The following DPP10 variants were observed in gnomAD, a reference collection of about 807,000 sequenced individuals.
DPP10 encodes the protein dipeptidyl peptidase like 10.
In DPP10, 33 loss-of-function variants were observed where a neutral mutation model predicts 120.9. The observed-to-expected ratio is 0.27, with a 90% CI of 0.21 to 0.37. DPP10 has a LOEUF of 0.37. Among genes scored for constraint, DPP10 ranks in the 10% least tolerant of loss-of-function variants. The probability of loss-of-function intolerance (pLI) is 1.00; values close to 1 mark genes in which losing one functional copy is unlikely to be tolerated. For missense variants in DPP10, 816 were observed against 942.8 expected, an observed-to-expected ratio of 0.87 and a Z score of 1.76; for synonymous variants, 337 against 326.1, an observed-to-expected ratio of 1.03 and a Z score of -0.36.
intron 1 of DPP10, among the ~76,000 whole-genome samples, chr2:114,683,873 T>G (rs1238313298): frequency 6.6e-6 from 1 of 151,882 alleles, no homozygotes; most frequent in Non-Finnish European, 1.5e-5. Context: ...GCAAACCATC[T>G]CACTTTCCAA....
intron 1 of DPP10, among the ~76,000 whole-genome samples, chr2:115,159,713 TA>T (rs968022168): frequency 9.9e-5 from 15 of 152,144 alleles, no homozygotes; most frequent in Non-Finnish European, 1.6e-4. Context: ...ATTTTATAAA[TA>T]AAAAAATTCA....
intron 5 of DPP10, among the ~76,000 whole-genome samples, chr2:115,581,374 T>TA (rs2081993982): frequency 6.6e-6 from 1 of 152,192 alleles, no homozygotes; most frequent in Non-Finnish European, 1.5e-5. Flanking sequence ...CCAGGTTCAT[T>TA]ATCACCTTTG....
chr2:115,715,339 CAAAAAAA>C (rs546857779), intron 7 of DPP10, among the ~76,000 whole-genome samples: 7 of 67,654 alleles, frequency 1.0e-4, no homozygotes, highest in Admixed American at 4.5e-4. Context: ...AACTCCGTCT[CAAAAAAA>C]AAAAAAAAAA....
chr2:115,189,843 G>A (rs2054741211), intron 1 of DPP10, among the ~76,000 whole-genome samples: 1 of 152,082 alleles, frequency 6.6e-6, no homozygotes, highest in Non-Finnish European at 1.5e-5. Context: ...TAAGCATCGA[G>A]GCTATGATTC....
chr2:115,768,178 C>A (rs1336772967), intron 12 of DPP10, 119 bp from the exon 13 acceptor site: 2 of 788,686 alleles, frequency 2.5e-6, no homozygotes, highest in Non-Finnish European at 3.8e-6. Flanking sequence ...ATAATGTGCC[C>A]ATTTTCCTAA....
intron 1 of DPP10, among the ~76,000 whole-genome samples, chr2:114,553,457 C>G (rs1688048061): frequency 6.6e-6 from 1 of 152,196 alleles, no homozygotes; most frequent in South Asian, 2.1e-4. Flanking sequence ...AATGCTGTCC[C>G]TCTAACCACA....
chr2:115,491,788 C>T (rs1401922598), intron 3 of DPP10, among the ~76,000 whole-genome samples: 1 of 152,072 alleles, frequency 6.6e-6, no homozygotes, highest in Non-Finnish European at 1.5e-5. Context: ...GAATGAGGGG[C>T]ATGTCCAAGA....
At chr2:115,005,146 C>T (rs137964854) in intron 1 of DPP10, among the ~76,000 whole-genome samples, 1,726 of 152,018 alleles carry the variant, frequency 0.011, 24 homozygotes, top group African/African-American at 0.039. Context: ...AACAGACCTG[C>T]ATCTGAGGGT....
At chr2:115,187,159 CCT>C (rs965356861) in intron 1 of DPP10, among the ~76,000 whole-genome samples, 1 of 149,052 alleles carries the variant, frequency 6.7e-6, no homozygotes, top group Admixed American at 6.7e-5. Flanking sequence ...GCCTCAGCCT[CCT>C]GAGTAGCTGC....
At chr2:114,711,163 G>C (rs773016562) in intron 1 of DPP10, among the ~76,000 whole-genome samples, 1 of 152,170 alleles carries the variant, frequency 6.6e-6, no homozygotes, top group Non-Finnish European at 1.5e-5. Context: ...CAACGTTTGA[G>C]TGCCCTTTCT....
At chr2:114,541,102 A>C (rs1686912342) in intron 1 of DPP10, among the ~76,000 whole-genome samples, 1 of 152,232 alleles carries the variant, frequency 6.6e-6, no homozygotes, top group Admixed American at 6.5e-5. Flanking sequence ...TCTCTTGCCC[A>C]CTTGGAAAAT....
At position 114,915,087 on chromosome 2, in the gene DPP10, C is replaced by T. The variant is rs575079087; in HGVS notation, c.61-394152C>T. Reference sequence around the variant, plus strand: ...CGGAGCTTGCAGTGAGCCGAGATCCCGCCACTGCACCCCAGCCTGGGCGAC... The same window carrying T: ...CGGAGCTTGCAGTGAGCCGAGATCCTGCCACTGCACCCCAGCCTGGGCGAC... On this transcript the variant is annotated intron_variant, in intron 1 of 25. Transcript: ENST00000410059. Among the ~76,000 whole-genome samples, 16 of 151,802 alleles carry T rather than the reference C, an allele frequency of 1.1e-4. 1 individual carries two copies. In the Middle Eastern group the frequency reaches 0.017, roughly 161 times the overall value.
chr2:114,466,400 T>C (rs6756707), intron 1 of DPP10, among the ~76,000 whole-genome samples: 18,804 of 152,244 alleles, frequency 0.12, 2,730 homozygotes, highest in African/African-American at 0.35. Flanking sequence ...CAAATCATCA[T>C]GGAAAGGATG....
chr2:115,753,456 AT>A (rs1175900677), intron 11 of DPP10, among the ~76,000 whole-genome samples, 159 bp downstream of exon 11: 2 of 151,852 alleles, frequency 1.3e-5, no homozygotes, highest in Non-Finnish European at 2.9e-5. Flanking sequence ...ACTTTAATTT[AT>A]AAAGCTTCCA....
intron 17 of DPP10, among the ~76,000 whole-genome samples, chr2:115,789,227 C>A (rs936501523): frequency 7.2e-5 from 11 of 152,136 alleles, no homozygotes; most frequent in South Asian, 4.2e-4. Context: ...AATTTAGGTG[C>A]AAAACACCTT....
chr2:114,632,002 A>G (rs1275895380), intron 1 of DPP10, among the ~76,000 whole-genome samples: 1 of 152,156 alleles, frequency 6.6e-6, no homozygotes, highest in Non-Finnish European at 1.5e-5. Context: ...CTTTTTATAG[A>G]ATATCCCATA....
intron 2 of DPP10, among the ~76,000 whole-genome samples, chr2:115,319,051 G>T (rs955343772): frequency 6.6e-6 from 1 of 152,034 alleles, no homozygotes; most frequent in Non-Finnish European, 1.5e-5. Context: ...TTTAGATAAA[G>T]ATTCTTTACA....
At chr2:115,082,288 C>T (rs1164929565) in intron 1 of DPP10, among the ~76,000 whole-genome samples, 1 of 152,124 alleles carries the variant, frequency 6.6e-6, no homozygotes, top group East Asian at 1.9e-4. Flanking sequence ...GTTTCTCACT[C>T]TTTAAAACTC....
rs373546803 is a variant in DPP10, at chr2:115,238,371, C to G, written c.61-70868C>G. On this transcript the variant is annotated intron_variant, in intron 1 of 25. Coordinates refer to ENST00000410059, the MANE Select transcript of DPP10 (RefSeq NM_020868.6). ...CTGTCAAAATATACCTGCTCATTAA[C>G]AATGCACCTGGTTACCCAAGAGCTC... 2.6e-5 allele frequency among the ~76,000 whole-genome samples: 4 copies of G among 152,320 alleles called. No homozygotes were observed. The East Asian group carries it at 5.8e-4, about 22-fold the overall frequency.
Sources: allele counts gnomAD v4.1 joint callset (sites outside exome capture counted in the v4.1 genomes callset), GRCh38; gene constraint gnomAD v4.1.1; transcripts MANE v1.5; gene names NCBI Gene and HGNC (gene_info 2026-07-23, HGNC 2026-07-21).